FLG2: variants seen among roughly 807,000 people sequenced by gnomAD.
The protein encoded by FLG2 is filaggrin 2.
FLG2 carries 7 observed loss-of-function variants against 3.9 expected under a neutral mutation model. The observed-to-expected ratio is 1.79, with a 90% CI of 1.02 to 3.36. The LOEUF (loss-of-function observed/expected upper bound fraction) is 3.36. Among genes scored for constraint, FLG2 ranks in the 30% most tolerant of loss-of-function variants. FLG2 has a pLI of 0.00. For synonymous variants in FLG2, 1,031 were observed against 1,056.1 expected (o/e 0.98, Z 0.46); for missense variants, 2,700 against 2,809.4 (o/e 0.96, Z 0.88).
chr1:152,353,733 A>G lies in FLG2; in HGVS notation c.4053T>C (p.Thr1351=), dbSNP rs565082131. 49 of 1,614,136 alleles carry G rather than the reference A, an allele frequency of 3.0e-5. No individual in the cohort carries two copies. In the South Asian group the frequency reaches 4.9e-4, roughly 16 times the overall value. ...AGACCCCTGAGTGCACTTCACTGTC[A>G]GTGGCATCACTGTGGCTAAATCTCT... ...GRQRFSHSDA[T]DSEVHSGVSH... The change falls in exon 3 of 3, where the codon ACT becomes ACC. Residue 1351 remains threonine, a synonymous_variant. Transcript: ENST00000388718.
Position 152,351,318 on chromosome 1 carries a change from T to C in FLG2, c.6468A>G (p.Arg2156=). ...TIHGQTGDTT[R]HGQSGHGQST... ...ACTGTCCATGACCAGACTGGCCATG[T>C]CTAGTGGTATCTCCTGTCTGTCCAT... Residue 2156 remains arginine, a synonymous_variant, in exon 3 of 3, where the codon AGA becomes AGG. Transcript: ENST00000388718. 6.2e-7 allele frequency: 1 copy of C among 1,613,988 alleles called. No individual in the cohort carries two copies. The highest frequency in any genetic ancestry group is 8.5e-7 in the Non-Finnish European group (1 of 1,179,976).
chr1:152,354,220 A>G lies in FLG2; in HGVS notation c.3566T>C (p.Phe1189Ser), dbSNP rs534457896. 2.5e-5 allele frequency: 41 copies of G among 1,613,916 alleles called. No individual in the cohort carries two copies. Among genetic ancestry groups the G allele is most frequent in the African/African-American group, 2.1e-4 (16 of 74,984 alleles). Residue 1189 changes from phenylalanine (F) to serine (S), a missense_variant, in exon 3 of 3, where the codon TTC becomes TCC. Coordinates refer to ENST00000388718, the MANE Select transcript of FLG2 (RefSeq NM_001014342.3). Reference sequence around the variant, plus strand: ...AGATATATGTTGTCCAGAACTAGAGAAATTGTCTGAGCCAGACACATGCTG... The same window carrying G: ...AGATATATGTTGTCCAGAACTAGAGGAATTGTCTGAGCCAGACACATGCTG... ...FGQHVSGSDN[F>S]SSSGQHISDS...
In FLG2 at chr1:152,355,377, T is replaced by G; in HGVS notation, c.2409A>C (p.Gln803His). The change falls in exon 3 of 3, where the codon CAA (glutamine) becomes CAC (histidine). Residue 803 changes from glutamine (Q) to histidine (H), a missense_variant. Coordinates refer to ENST00000388718, the MANE Select transcript of FLG2 (RefSeq NM_001014342.3). The stretch of plus-strand genomic sequence containing the variant: ...ATCCATATTGGCCAAAGCCAGTGGA[T>G]TGACTTGAGCCTGACCCATGTTGTC... ...GFGQHGSGSS[Q>H]STGFGQYGSG... 1 of 1,603,106 alleles carries G rather than the reference T, an allele frequency of 6.2e-7. No homozygotes were observed. Among genetic ancestry groups the G allele is most frequent in the Non-Finnish European group, 8.5e-7 (1 of 1,176,842 alleles).
rs759463495 is a variant in FLG2 at position 152,350,997 on chromosome 1, C to A, written c.6789G>T (p.Val2263=). The stretch of plus-strand genomic sequence containing the variant: ...AATGTGTGTGTGAGCCCCATGAGTG[C>A]ACTTCACTGTCACTGGACTCACTGT... The part of the protein sequence containing the change: ...SGHSESSDSE[V]HSWGSHTHSG... The change falls in exon 3 of 3, where the codon GTG becomes GTT. Residue 2263 remains valine (V), a synonymous_variant. Coordinates refer to ENST00000388718, the MANE Select transcript of FLG2 (RefSeq NM_001014342.3). 6.2e-6 allele frequency: 10 copies of A among 1,613,578 alleles called. No homozygotes were observed. In the Admixed American group the frequency reaches 1.2e-4, roughly 19 times the overall value.
Position 152,356,954 on chromosome 1 carries a change from G to A in FLG2, c.832C>T (p.His278Tyr), listed in dbSNP as rs1427364387. The stretch of plus-strand genomic sequence containing the variant: ...CTTGAATTGCTATAACCACATGCAT[G>A]ACTTCGCCTCCCACTGTCTCCTGAA... ...SGSGDSGRRS[H>Y]ACGYSNSSGC... The change falls in exon 3 of 3, where the codon CAT (histidine) becomes TAT (tyrosine). Residue 278 changes from histidine (H) to tyrosine (Y), a missense_variant. By Grantham distance (83) the His-to-Tyr change is moderately conservative. Coordinates refer to ENST00000388718, the MANE Select transcript of FLG2 (RefSeq NM_001014342.3). 7.4e-6 allele frequency: 12 copies of A among 1,614,066 alleles called. No homozygotes were observed. Among genetic ancestry groups the A allele is most frequent in the African/African-American group, 2.7e-5 (2 of 74,938 alleles).
In FLG2 at chr1:152,353,195, C is replaced by G. The variant is rs746579887; in HGVS notation, c.4591G>C (p.Glu1531Gln). 2 of 1,611,682 alleles carry G rather than the reference C, an allele frequency of 1.2e-6. No individual in the cohort carries two copies. Among genetic ancestry groups the G allele is most frequent in the Non-Finnish European group, 1.7e-6 (2 of 1,179,364 alleles). ...CTGTCATGAATTATGGATTCTGACT[C>G]TCCATGTTGAGATCCACTTTGGCCG... ...THGQSGSQHG[E>Q]SESIIHDRHR... The change falls in exon 3 of 3, where the codon GAG (glutamate) becomes CAG (glutamine). Residue 1531 changes from glutamate (E) to glutamine (Q), a missense_variant. Glu to Gln is a conservative substitution (Grantham distance 29). Transcript: ENST00000388718.
Position 152,350,780 on chromosome 1 carries a change from G to C in FLG2, c.7006C>G (p.Gln2336Glu). The C allele has an allele frequency of 1.2e-6, 2 of 1,614,166 alleles. No homozygotes were observed. The highest frequency in any genetic ancestry group is 1.7e-6 in the Non-Finnish European group (2 of 1,180,036). The change falls in exon 3 of 3, where the codon CAA (glutamine) becomes GAA (glutamate). Residue 2336 changes from glutamine (Q) to glutamate (E), a missense_variant. Coordinates refer to ENST00000388718, the MANE Select transcript of FLG2 (RefSeq NM_001014342.3). ...CAAACCTGACTTGATCCATGCCTTT[G>C]CCTTTCACTACTATGTGACTGAAAA... Reference protein sequence around the residue: ...SHFQSHSSERQRHGSSQVWKH... With the variant: ...SHFQSHSSERERHGSSQVWKH...
rs1476281662 is a variant in FLG2, at chr1:152,355,745, A to T, written c.2041T>A (p.Phe681Ile). The change falls in exon 3 of 3, where the codon TTT becomes ATT. Residue 681 changes from phenylalanine (F) to isoleucine (I), a missense_variant. Coordinates refer to ENST00000388718, the MANE Select transcript of FLG2 (RefSeq NM_001014342.3). ...HVSGSGQSSG[F>I]GQHESRSGHS... Reference sequence around the variant, plus strand: ...CCTGATCTAGACTCATGTTGTCCAAAACCAGAGGATTGTCCTGAGCCAGAA... The same window carrying T: ...CCTGATCTAGACTCATGTTGTCCAATACCAGAGGATTGTCCTGAGCCAGAA... 3 of 1,613,590 alleles carry T rather than the reference A, an allele frequency of 1.9e-6. No individual in the cohort carries two copies. The highest frequency in any genetic ancestry group is 1.7e-6 in the Non-Finnish European group (2 of 1,179,978).
chr1:152,350,371 C>T lies in FLG2; in HGVS notation c.*239G>A. 1.8e-6 allele frequency: 1 copy of T among 562,430 alleles called. No individual in the cohort carries two copies. The highest frequency in any genetic ancestry group is 3.1e-6 in the Non-Finnish European group (1 of 322,320). 34.8% of individuals were successfully genotyped at this position (562,430 alleles called of 1,614,324 possible). On this transcript the variant is annotated 3_prime_UTR_variant, in exon 3 of 3. Coordinates refer to ENST00000388718, the MANE Select transcript of FLG2 (RefSeq NM_001014342.3). ...GTGGTCATTTGACTGGCTATGTGTA[C>T]ATCCCTCCCTTCTGGCTGTGTTATA...
rs767809942 is a variant in FLG2 at position 152,354,187 on chromosome 1, C to T, written c.3599G>A (p.Gly1200Asp). 1.1e-5 allele frequency: 17 copies of T among 1,614,122 alleles called. No individual in the cohort carries two copies. Among genetic ancestry groups the T allele is most frequent in the East Asian group, 4.5e-5 (2 of 44,902 alleles). The change falls in exon 3 of 3, where the codon GGT becomes GAT. Residue 1200 changes from glycine (G) to aspartate (D), a missense_variant. Gly to Asp is a moderately conservative substitution (Grantham distance 94, BLOSUM62 -1). Coordinates refer to ENST00000388718, the MANE Select transcript of FLG2 (RefSeq NM_001014342.3). Reference protein sequence around the residue: ...SSSGQHISDSGQSTGFGQYGS... With the variant: ...SSSGQHISDSDQSTGFGQYGS... Reference sequence around the variant, plus strand: ...ATATTGGCCAAATCCAGTGGACTGACCTGAGTCAGATATATGTTGTCCAGA... The same window carrying T: ...ATATTGGCCAAATCCAGTGGACTGATCTGAGTCAGATATATGTTGTCCAGA...
rs1029470100 is a variant in FLG2, at chr1:152,350,310, A to G, written c.*300T>C. The G allele has an allele frequency of 3.0e-5, 12 of 394,174 alleles. No homozygotes were observed. The highest frequency in any genetic ancestry group is 2.2e-4 in the African/African-American group (11 of 49,612). 24.4% of individuals were successfully genotyped at this position (394,174 alleles called of 1,614,324 possible). A position where few individuals can be genotyped will look rare whatever the true frequency, so the allele number is the denominator to read the frequency against. ...TGATTGAACTAGATTTTGAATGGCC[A>G]TGAACTGATATGGATTGTCCATGGC... On this transcript the variant is annotated 3_prime_UTR_variant, in exon 3 of 3. Coordinates refer to ENST00000388718, the MANE Select transcript of FLG2 (RefSeq NM_001014342.3).
intron 2 of FLG2, 27 bp from the exon 3 acceptor site, chr1:152,357,674 G>T (rs746674798): frequency 6.5e-7 from 1 of 1,546,448 alleles, no homozygotes; most frequent in Non-Finnish European, 8.8e-7. Flanking sequence ...CACCAAGGGA[G>T]ACCTGGTCAG....
At position 152,358,763 on chromosome 1, in the gene FLG2, A is replaced by C. The variant is rs1654343579; in HGVS notation, c.122T>G (p.Leu41Arg). The change falls in exon 2 of 3, where the codon CTT becomes CGT. Residue 41 changes from leucine (L) to arginine (R), a missense_variant. Leu to Arg is a moderately radical substitution (Grantham distance 102). Transcript: ENST00000388718. The stretch of plus-strand genomic sequence containing the variant: ...GGCTCTCACCTTCAGAACTGGATGA[A>C]GCTCTTTCTCCAGAAGTTCCTTTAG... ...GELKELLEKE[L>R]HPVLKNPDDP... 6.2e-7 allele frequency: 1 copy of C among 1,613,588 alleles called. No individual in the cohort carries two copies.
chr1:152,356,450 C>A lies in FLG2; in HGVS notation c.1336G>T (p.Val446Leu), dbSNP rs768482978. The change falls in exon 3 of 3, where the codon GTA becomes TTA. Residue 446 changes from valine to leucine, a missense_variant. Val to Leu is a conservative substitution (Grantham distance 32). Transcript: ENST00000388718. Reference sequence around the variant, plus strand: ...CCACAAGTTTGACCTGAGCCACATACATGTTGTTCGAACCCAGAGGACTGA... The same window carrying A: ...CCACAAGTTTGACCTGAGCCACATAAATGTTGTTCGAACCCAGAGGACTGA... ...LSQSSGFEQH[V>L]CGSGQTCGQH... is the part of the protein sequence containing the mutation. 2 of 1,614,242 alleles carry A rather than the reference C, an allele frequency of 1.2e-6. No individual in the cohort carries two copies. The highest frequency in any genetic ancestry group is 3.3e-5 in the Admixed American group (2 of 60,030).
Position 152,353,001 on chromosome 1 carries a change from T to C in FLG2, c.4785A>G (p.Arg1595=). Residue 1595 remains arginine, a synonymous_variant, in exon 3 of 3, where the codon CGA becomes CGG. Coordinates refer to ENST00000388718, the MANE Select transcript of FLG2 (RefSeq NM_001014342.3). ...ATCCGGCTTGGCCGTAAGTGTGTTC[T>C]CGTGAGTGTGGTCTGTGTGAGCCCC... is the stretch of plus-strand genomic sequence containing the variant. ...HSGGSHRPHS[R]EHTYGQAGSQ... 1 of 1,609,832 alleles carries C rather than the reference T, an allele frequency of 6.2e-7. No homozygotes were observed. The highest frequency in any genetic ancestry group is 8.5e-7 in the Non-Finnish European group (1 of 1,179,218).
Position 152,353,585 on chromosome 1 carries a change from G to A in FLG2, c.4201C>T (p.His1401Tyr), listed in dbSNP as rs764051287. ...GACTGTCCATGACCAGAGTGGCCAT[G>A]TCCAGTGGCCTCTCCTGTCTGTCCA... Reference protein sequence around the residue: ...TYGQTGEATGHGHSGHGQSTQ... With the variant: ...TYGQTGEATGYGHSGHGQSTQ... The change falls in exon 3 of 3, where the codon CAT (histidine) becomes TAT (tyrosine). Residue 1401 changes from histidine (H) to tyrosine (Y), a missense_variant. His to Tyr is a moderately conservative substitution (Grantham distance 83). Transcript: ENST00000388718. 1 of 1,613,994 alleles carries A rather than the reference G, an allele frequency of 6.2e-7. No individual in the cohort carries two copies. The highest frequency in any genetic ancestry group is 1.1e-5 in the South Asian group (1 of 91,072).
chr1:152,351,358 C>T lies in FLG2; in HGVS notation c.6428G>A (p.Arg2143Lys). The T allele has an allele frequency of 6.2e-7, 1 of 1,613,762 alleles. No individual in the cohort carries two copies. The highest frequency in any genetic ancestry group is 8.5e-7 in the Non-Finnish European group (1 of 1,179,958). The change falls in exon 3 of 3, where the codon AGA (arginine) becomes AAA (lysine). Residue 2143 changes from arginine (R) to lysine (K), a missense_variant. By Grantham distance (26) the Arg-to-Lys change is conservative. Coordinates refer to ENST00000388718, the MANE Select transcript of FLG2 (RefSeq NM_001014342.3). ...HGESGSAIHG[R>K]QGTIHGQTGD... ...TGTCTGTCCATGTATAGTTCCCTGT[C>T]TCCCGTGAATGGCAGATCCTGACTC... is the stretch of plus-strand genomic sequence containing the variant.
In FLG2 at chr1:152,352,353, C is replaced by A; in HGVS notation, c.5433G>T (p.Gly1811=). 1 of 1,613,262 alleles carries A rather than the reference C, an allele frequency of 6.2e-7. No individual in the cohort carries two copies. Among genetic ancestry groups the A allele is most frequent in the South Asian group, 1.1e-5 (1 of 91,042 alleles). ...SGHSEYSDSE[G]HSGFSQRPHS... is the part of the protein sequence containing the mutation. ...GTGGTCTTTGTGAGAACCCTGAGTG[C>A]CCTTCACTGTCACTGTACTCACTGT... The change falls in exon 3 of 3, where the codon GGG becomes GGT. Residue 1811 remains glycine, a synonymous_variant. Transcript: ENST00000388718.
In FLG2 at chr1:152,358,890, T is replaced by C; in HGVS notation, c.-6A>G. 1.2e-6 allele frequency: 2 copies of C among 1,610,892 alleles called. 1 individual carries two copies. Among genetic ancestry groups the C allele is most frequent in the South Asian group, 2.2e-5 (2 of 90,126 alleles). On this transcript the variant is annotated 5_prime_UTR_variant, in exon 2 of 3. Coordinates refer to ENST00000388718, the MANE Select transcript of FLG2 (RefSeq NM_001014342.3). ...CTTCTCAAGAGGTCGGTCATCTTTT[T>C]GCAAGTTTAAGTGAACCTGGACACA...
Sources: allele counts gnomAD v4.1 joint callset, GRCh38; gene constraint gnomAD v4.1.1; transcripts MANE v1.5; gene names NCBI Gene and HGNC (gene_info 2026-07-23, HGNC 2026-07-21).